C11orf65: variants seen among roughly 807,000 people sequenced by gnomAD.
C11orf65 encodes protein MFI.
Under a neutral mutation model 35.3 loss-of-function variants are expected in C11orf65, and 38 were observed. That is an observed-to-expected ratio of 1.08 (90% CI 0.83 to 1.41). The LOEUF (loss-of-function observed/expected upper bound fraction) is 1.41. Among genes scored for constraint, C11orf65 ranks in the 40% most tolerant of loss-of-function variants. The pLI is 0.00. For missense variants in C11orf65, 370 were observed against 367.1 expected (o/e 1.01, Z -0.06); for synonymous variants, 105 against 114.4 (o/e 0.92, Z 0.53).
At chr11:108,401,117 A>T (rs1376275507) in intron 6 of C11orf65, among the ~76,000 whole-genome samples, 1 of 151,792 alleles carries the variant, frequency 6.6e-6, no homozygotes, top group Non-Finnish European at 1.5e-5. Flanking sequence ...TCAAAGAAAA[A>T]AAAAAAGAGA....
downstream of C11orf65, chr11:108,327,647 CA>C (rs1405303247): frequency 6.2e-7 from 1 of 1,613,008 alleles, no homozygotes; most frequent in Admixed American, 1.7e-5. Flanking sequence ...TTATACAGAA[CA>C]ATCCCAGCCT....
intron 3 of C11orf65, chr11:108,334,821 C>A: frequency 2.2e-6 from 2 of 892,924 alleles, no homozygotes; most frequent in Non-Finnish European, 3.4e-6. Flanking sequence ...TGAGCCACCA[C>A]ACCCGGCCTA....
chr11:108,438,087 C>T (rs528631836), intron 2 of C11orf65, among the ~76,000 whole-genome samples: 38 of 152,220 alleles, frequency 2.5e-4, no homozygotes, highest in African/African-American at 7.7e-4. Context: ...AGAGAGCCTC[C>T]AAATAGACTC....
At chr11:108,426,997 A>C (rs960381229) in intron 3 of C11orf65, among the ~76,000 whole-genome samples, 8 of 152,338 alleles carry the variant, frequency 5.3e-5, no homozygotes, top group African/African-American at 1.7e-4. Context: ...CAGAAAACTA[A>C]AACTGGACCC....
intron 6 of C11orf65, chr11:108,309,136 G>T: frequency 1.1e-6 from 1 of 924,924 alleles, no homozygotes; most frequent in Non-Finnish European, 1.7e-6. Flanking sequence ...CCAAGCTTGT[G>T]CTGTGTAAAA....
intron 2 of C11orf65, chr11:108,364,946 G>A (rs1223876065): frequency 1.6e-5 from 15 of 910,336 alleles, no homozygotes; most frequent in Non-Finnish European, 2.5e-5. Flanking sequence ...GAAACATGAA[G>A]TGTGCATGAT....
At chr11:108,335,382 A>G (rs919555189) in intron 2 of C11orf65, 1 of 971,988 alleles carries the variant, frequency 1.0e-6, no homozygotes, top group African/African-American at 1.7e-5. Context: ...CTTCTTATGA[A>G]AAAAAATACT....
intron 2 of C11orf65, among the ~76,000 whole-genome samples, chr11:108,349,786 A>G (rs1340123896): frequency 6.6e-6 from 1 of 152,182 alleles, no homozygotes; most frequent in Non-Finnish European, 1.5e-5. Context: ...AGAGGTTTAA[A>G]CCTGTTAGAT....
chr11:108,468,416 T>G (rs750986990), upstream of C11orf65, among the ~76,000 whole-genome samples: 1 of 152,232 alleles, frequency 6.6e-6, no homozygotes, highest in Non-Finnish European at 1.5e-5. Flanking sequence ...TGGCAGTGCT[T>G]TAGTTGGTCA....
intron 6 of C11orf65, among the ~76,000 whole-genome samples, chr11:108,314,706 A>G (rs2084467438): frequency 6.6e-6 from 1 of 152,178 alleles, no homozygotes; most frequent in Admixed American, 6.5e-5. Flanking sequence ...TTAACTACTA[A>G]TAGTCTACTG....
At chr11:108,417,256 T>A (rs1216886610) in intron 3 of C11orf65, among the ~76,000 whole-genome samples, 2 of 152,128 alleles carry the variant, frequency 1.3e-5, no homozygotes, top group Non-Finnish European at 2.9e-5. Flanking sequence ...AACAACCTGC[T>A]GCCAGGTCAG....
At chr11:108,464,423 G>A (rs894705850) in intron 1 of C11orf65, among the ~76,000 whole-genome samples, 10 of 150,126 alleles carry the variant, frequency 6.7e-5, no homozygotes, top group South Asian at 4.2e-4. Flanking sequence ...TAGCCTCCCC[G>A]CGATTTCCAC....
intron 2 of C11orf65, among the ~76,000 whole-genome samples, chr11:108,373,585 C>T (rs1357444607): frequency 6.6e-6 from 1 of 152,182 alleles, no homozygotes; most frequent in Non-Finnish European, 1.5e-5. Flanking sequence ...CTACAGCTCC[C>T]AGTGTGAGCG....
intron 2 of C11orf65, among the ~76,000 whole-genome samples, chr11:108,437,110 A>AAAAAGG (rs35610227): frequency 9.8e-6 from 1 of 101,920 alleles, no homozygotes; most frequent in East Asian, 3.5e-4. Context: ...AAAAAAAAAA[A>AAAAAGG]GGGGGGGGGT....
At chr11:108,443,300 T>C (rs879032012) in intron 2 of C11orf65, among the ~76,000 whole-genome samples, 1 of 151,132 alleles carries the variant, frequency 6.6e-6, no homozygotes, top group African/African-American at 2.4e-5. Context: ...ATGCACCCAA[T>C]ACAGGAGCAC....
At chr11:108,381,480 G>T (rs76239575), downstream of C11orf65, among the ~76,000 whole-genome samples, 3 of 152,310 alleles carry the variant, frequency 2.0e-5, no homozygotes, top group East Asian at 5.8e-4. Flanking sequence ...AAATTCTGAA[G>T]TACATTCTGT....
At chr11:108,384,920 T>G (rs2091954519) in intron 8 of C11orf65, among the ~76,000 whole-genome samples, 1 of 152,188 alleles carries the variant, frequency 6.6e-6, no homozygotes, top group Non-Finnish European at 1.5e-5. Context: ...GTTTCTGGGG[T>G]CTGATGACAC....
chr11:108,399,599 A>T (rs1316788515), intron 6 of C11orf65, among the ~76,000 whole-genome samples: 1 of 152,158 alleles, frequency 6.6e-6, no homozygotes, highest in African/African-American at 2.4e-5. Flanking sequence ...TATGAAGCCA[A>T]AGGTATGGAG....
At chr11:108,319,145 C>G (rs1399631330) in intron 6 of C11orf65, among the ~76,000 whole-genome samples, 1 of 152,148 alleles carries the variant, frequency 6.6e-6, no homozygotes, top group African/African-American at 2.4e-5. Context: ...CCACTGCACT[C>G]CATCCTAGGC....
Sources: gnomAD v4.1 joint callset for allele counts (sites outside exome capture counted in the v4.1 genomes callset) on GRCh38, gnomAD v4.1.1 for gene constraint, MANE v1.5 for transcripts, NCBI Gene and HGNC (gene_info 2026-07-23, HGNC 2026-07-21) for gene names.